The following RGPD4 variants were observed in gnomAD, a reference collection of about 807,000 sequenced individuals.
RGPD4 encodes RANBP2 like and GRIP domain containing 4, also known as ranBP2-like and GRIP domain-containing protein 4.
In RGPD4, 84 loss-of-function variants were observed where a neutral mutation model predicts 141.1. That is an observed-to-expected ratio of 0.60 (90% confidence interval 0.50 to 0.71). The LOEUF (loss-of-function observed/expected upper bound fraction) is 0.71, where lower values mean the gene tolerates loss of function less well. RGPD4 is among the 30% of genes least tolerant of loss of function. RGPD4 has a pLI of 0.00. For synonymous variants in RGPD4, 298 were observed against 566.8 expected (o/e 0.53, Z 6.74); for missense variants, 918 against 1,622.4 (o/e 0.57, Z 7.46).
chr2:107,827,924 A>T lies in RGPD4; in HGVS notation c.72+839A>T, dbSNP rs1194964882. Among the ~76,000 whole-genome samples the T allele has an allele frequency of 2.4e-3, 13 of 5,416 alleles. 3 individuals carry two copies. Among genetic ancestry groups the T allele is most frequent in the Middle Eastern group, 0.5 (1 of 2 alleles). The allele number at this position is 5,416 out of a possible 152,430, so 3.6% of individuals were successfully genotyped here. Reference sequence around the variant, plus strand: ...CGGCGGCGGCCTCGACCTGGCCCGGAGGCGGCCTCGATGGCTCAGGCATCA... The same window carrying T: ...CGGCGGCGGCCTCGACCTGGCCCGGTGGCGGCCTCGATGGCTCAGGCATCA... On this transcript the variant is annotated intron_variant, in intron 1 of 22. Transcript: ENST00000408999.
At position 107,880,255 on chromosome 2, in the gene RGPD4, T is replaced by C. The variant is rs547019471; in HGVS notation, c.5064+148T>C. On this transcript the variant is annotated intron_variant, in intron 21 of 22. Coordinates refer to ENST00000408999, the MANE Select transcript of RGPD4 (RefSeq NM_182588.3). ...ATTAGATTCCTGATGGTGAGAAATA[T>C]TGCCTTTTTTTTTTTTTTTTTTTTT... 4.2e-4 allele frequency: 303 copies of C among 714,114 alleles called. 3 individuals are homozygous for C. The East Asian group carries it at 8.2e-3, about 19-fold the overall frequency. The allele number at this position is 714,114 out of a possible 1,614,324, so 44.2% of individuals were successfully genotyped here. A position where few individuals can be genotyped will look rare whatever the true frequency, so the allele number is the denominator to read the frequency against.
At chr2:107,845,015 T>C (rs1681872872) in intron 6 of RGPD4, among the ~76,000 whole-genome samples, 1 of 142,584 alleles carries the variant, frequency 7.0e-6, no homozygotes, top group South Asian at 2.3e-4. Context: ...TTTGTATTTT[T>C]AGTAGAGACG....
Position 107,861,814 on chromosome 2 carries a change from T to C in RGPD4, c.2205+74T>C, listed in dbSNP as rs547940535. ...CAGTGTTTTTGCGTTGGTCTTATAT[T>C]TTGGTAATTTCAAAAATACTCAGTA... On this transcript the variant is annotated intron_variant, in intron 15 of 22. Coordinates refer to ENST00000408999, the MANE Select transcript of RGPD4 (RefSeq NM_182588.3). 7.5e-6 allele frequency: 12 copies of C among 1,592,826 alleles called. No homozygotes were observed. In the East Asian group the frequency reaches 2.5e-4, roughly 33 times the overall value.
At position 107,871,903 on chromosome 2, in the gene RGPD4, T is replaced by G. The variant is rs774618517; in HGVS notation, c.3899T>G (p.Leu1300Trp). The G allele has an allele frequency of 9.5e-5, 153 of 1,611,474 alleles. No homozygotes were observed. The highest frequency in any genetic ancestry group is 1.1e-4 in the Non-Finnish European group (130 of 1,179,864). ...TGSNFSFKSA[L>W]SPSKSPAKLN... Reference sequence around the variant, plus strand: ...TCTAACTTCAGTTTTAAATCTGCTTTGAGTCCATCTAAGTCTCCTGCCAAG... The same window carrying G: ...TCTAACTTCAGTTTTAAATCTGCTTGGAGTCCATCTAAGTCTCCTGCCAAG... Residue 1300 changes from leucine (L) to tryptophan (W), a missense_variant, in exon 20 of 23, where the codon TTG becomes TGG. By Grantham distance (61) the Leu-to-Trp change is moderately conservative. Transcript: ENST00000408999.
At chr2:107,829,766 T>C (rs1270293839) in intron 1 of RGPD4, among the ~76,000 whole-genome samples, 2 of 152,000 alleles carry the variant, frequency 1.3e-5, no homozygotes, top group Non-Finnish European at 2.9e-5. Flanking sequence ...TTCCCGACGG[T>C]GCTCGCTCCT....
At chr2:107,849,040 AC>A (rs1682037681) in intron 7 of RGPD4, among the ~76,000 whole-genome samples, 1 of 112,602 alleles carries the variant, frequency 8.9e-6, no homozygotes, top group Non-Finnish European at 1.8e-5. Context: ...AAAACATAAA[AC>A]CTTTTCTTAT....
intron 1 of RGPD4, among the ~76,000 whole-genome samples, chr2:107,827,431 C>G (rs1322963033): frequency 1.8e-5 from 1 of 54,084 alleles, no homozygotes; most frequent in South Asian, 7.4e-4. Context: ...CGGCCGCGGC[C>G]GCGATGGCTC....
rs756732928 is a variant in RGPD4 at position 107,872,063 on chromosome 2, T to C, written c.4059T>C (p.Asn1353=). ...DLVEVSSGEE[N]EKVVFSHRAE... is the part of the protein sequence containing the mutation. ...TTGAAGTATCCAGTGGTGAGGAAAATGAAAAAGTTGTTTTTAGTCACAGGG... is the reference window on the plus strand; with the variant it reads ...TTGAAGTATCCAGTGGTGAGGAAAACGAAAAAGTTGTTTTTAGTCACAGGG... Residue 1353 remains asparagine (N), a synonymous_variant, in exon 20 of 23, where the codon AAT becomes AAC. Coordinates refer to ENST00000408999, the MANE Select transcript of RGPD4 (RefSeq NM_182588.3). 1 of 1,611,540 alleles carries C rather than the reference T, an allele frequency of 6.2e-7. No individual in the cohort carries two copies. The highest frequency in any genetic ancestry group is 1.1e-5 in the South Asian group (1 of 90,992).
chr2:107,827,748 C>T (rs1681274496), intron 1 of RGPD4, among the ~76,000 whole-genome samples: 1 of 45,390 alleles, frequency 2.2e-5, no homozygotes, highest in Admixed American at 1.7e-4. Flanking sequence ...GGCGTCATGG[C>T]TCCTGACGGG....
At position 107,846,453 on chromosome 2, in the gene RGPD4, C is replaced by T. The variant is rs187733950; in HGVS notation, c.783-1888C>T. ...TCCATTAAAAATGTAATAAGCCCTACTGTGTGTTAATAATTATAGCTTTTT... is the reference window on the plus strand; with the variant it reads ...TCCATTAAAAATGTAATAAGCCCTATTGTGTGTTAATAATTATAGCTTTTT... On this transcript the variant is annotated intron_variant, in intron 6 of 22. Transcript: ENST00000408999. Among the ~76,000 whole-genome samples, 326 of 151,684 alleles carry T rather than the reference C, an allele frequency of 2.1e-3. 2 individuals carry two copies. The highest frequency in any genetic ancestry group is 3.3e-3 in the Non-Finnish European group (226 of 67,988).
intron 1 of RGPD4, among the ~76,000 whole-genome samples, chr2:107,830,793 CTTTCTAGAATGT>C (rs1209692320): frequency 6.6e-6 from 1 of 151,940 alleles, no homozygotes; most frequent in East Asian, 1.9e-4. Flanking sequence ...ACTGCCCATG[CTTTCTAGAATGT>C]CGGAGTTTTG....
intron 22 of RGPD4, among the ~76,000 whole-genome samples, chr2:107,889,011 C>T (rs1201534742): frequency 7.8e-5 from 11 of 140,584 alleles, no homozygotes; most frequent in South Asian, 4.5e-4. Flanking sequence ...GTAAATAACA[C>T]GCAGATAAAA....
At chr2:107,888,977 T>C (rs996707185) in intron 22 of RGPD4, among the ~76,000 whole-genome samples, 15 of 133,906 alleles carry the variant, frequency 1.1e-4, no homozygotes, top group Non-Finnish European at 2.0e-4. Flanking sequence ...ACTAAGTTTG[T>C]AGTAATTTGT....
rs540322297 is a variant in RGPD4, at chr2:107,827,125, C to G, written c.72+40C>G. 24 of 1,558,148 alleles carry G rather than the reference C, an allele frequency of 1.5e-5. 1 individual carries two copies. The South Asian group carries it at 2.8e-4, about 18-fold the overall frequency. On this transcript the variant is annotated intron_variant, in intron 1 of 22. Coordinates refer to ENST00000408999, the MANE Select transcript of RGPD4 (RefSeq NM_182588.3). ...AAGAGACCGACGGCCTCGACCTGGC[C>G]GGGCGGCGGAGGCCTCGACCTGGCC...
chr2:107,831,814 G>A lies in RGPD4; in HGVS notation c.72+4729G>A, dbSNP rs1474267441. Among the ~76,000 whole-genome samples, 52 of 144,424 alleles carry A rather than the reference G, an allele frequency of 3.6e-4. 1 individual carries two copies. In the South Asian group the frequency reaches 4.8e-3, roughly 13 times the overall value. The allele number at this position is 144,424 out of a possible 152,430, so 94.7% of individuals were successfully genotyped here. ...TCTCGATCTCCTGACCTCATGATCC[G>A]CCCGCCTCAGCCTCCCAAAGTGCCG... On this transcript the variant is annotated intron_variant, in intron 1 of 22. Coordinates refer to ENST00000408999, the MANE Select transcript of RGPD4 (RefSeq NM_182588.3).
intron 22 of RGPD4, among the ~76,000 whole-genome samples, chr2:107,889,156 G>T (rs944076068): frequency 2.0e-5 from 3 of 148,920 alleles, no homozygotes; most frequent in Non-Finnish European, 2.9e-5. Flanking sequence ...TGTCTGGAAG[G>T]GTAATGCCAA....
chr2:107,881,757 A>G (rs1259199694), intron 21 of RGPD4, among the ~76,000 whole-genome samples: 1 of 151,382 alleles, frequency 6.6e-6, no homozygotes, highest in East Asian at 1.9e-4. Flanking sequence ...ACTAAAAGCT[A>G]TGGCTTGGTT....
intron 1 of RGPD4, among the ~76,000 whole-genome samples, chr2:107,827,582 C>T (rs1681261695): frequency 3.4e-5 from 2 of 58,114 alleles, no homozygotes; most frequent in East Asian, 6.5e-4. Context: ...TCTGTTGAGG[C>T]GGCGGCCTCG....
chr2:107,848,523 T>A lies in RGPD4; in HGVS notation c.965T>A (p.Leu322His), dbSNP rs1682028687. ...ALSELAALCY[L>H]IAFQVPRPKI... ...TCTGAGCTGGCTGCATTGTGCTATC[T>A]CATAGCATTTCAGGTAAGTCTTCCA... The change falls in exon 7 of 23, where the codon CTC becomes CAC. Residue 322 changes from leucine (L) to histidine (H), a missense_variant. By Grantham distance (99) the Leu-to-His change is moderately conservative. Transcript: ENST00000408999. 7.0e-6 allele frequency: 1 copy of A among 143,188 alleles called. No individual in the cohort carries two copies. Among genetic ancestry groups the A allele is most frequent in the Non-Finnish European group, 1.2e-5 (1 of 85,474 alleles). 8.9% of individuals were successfully genotyped at this position (143,188 alleles called of 1,614,324 possible).
Sources: allele counts gnomAD v4.1 joint callset (sites outside exome capture counted in the v4.1 genomes callset), GRCh38; gene constraint gnomAD v4.1.1; transcripts MANE v1.5; gene names NCBI Gene and HGNC (gene_info 2026-07-23, HGNC 2026-07-21).